HAUS8: variants seen among roughly 807,000 people sequenced by gnomAD.
HAUS8 encodes HAUS augmin like complex subunit 8, also known as HAUS augmin-like complex subunit 8.
Under a neutral mutation model 42.9 loss-of-function variants are expected in HAUS8, and 38 were observed. That is an observed-to-expected ratio of 0.89 (90% CI 0.68 to 1.16). HAUS8 has a LOEUF of 1.16. Among genes scored for constraint, HAUS8 ranks in the 50% most tolerant of loss-of-function variants. The probability of loss-of-function intolerance (pLI) is 0.00; values close to 1 mark genes in which losing one functional copy is unlikely to be tolerated. For synonymous variants in HAUS8, 199 were observed against 205.8 expected (o/e 0.97, Z 0.28); for missense variants, 494 against 511.6 (o/e 0.97, Z 0.33).
At position 17,069,630 on chromosome 19, in the gene HAUS8, G is replaced by A. The variant is rs556742554; in HGVS notation, c.92-544C>T. Among the ~76,000 whole-genome samples the A allele has an allele frequency of 9.5e-4, 144 of 151,842 alleles. 3 individuals are homozygous for A. The East Asian group carries it at 0.027, about 29-fold the overall frequency. On this transcript the variant is annotated intron_variant, in intron 2 of 10. Transcript: ENST00000253669. Reference sequence around the variant, plus strand: ...AGCCCAACCCCAGGTCCCCTTCCAGGGCTACTCCTGGGAGCGTGACTGTGG... The same window carrying A: ...AGCCCAACCCCAGGTCCCCTTCCAGAGCTACTCCTGGGAGCGTGACTGTGG...
intron 10 of HAUS8, 59 bp from the exon 11 acceptor site, chr19:17,050,235 G>A: frequency 6.0e-6 from 8 of 1,334,388 alleles, no homozygotes; most frequent in Non-Finnish European, 6.9e-6. Context: ...GCGCATGTGT[G>A]TGGTGAACGG....
rs750430659 is a variant in HAUS8 at position 17,062,682 on chromosome 19, C to A, written c.229+16G>T. The A allele has an allele frequency of 8.7e-6, 14 of 1,609,290 alleles. No homozygotes were observed. The highest frequency in any genetic ancestry group is 2.6e-6 in the Non-Finnish European group (3 of 1,175,760). ...GCCGCGCTCATCACTGCCCGAGGACCATGGCTGTTTCGCACCTTTGCTTTT... is the reference window on the plus strand; with the variant it reads ...GCCGCGCTCATCACTGCCCGAGGACAATGGCTGTTTCGCACCTTTGCTTTT... On this transcript the variant is annotated intron_variant, in intron 4 of 10. Transcript: ENST00000253669.
At chr19:17,051,360 C>T (rs904117859) in intron 10 of HAUS8, among the ~76,000 whole-genome samples, 2 of 144,386 alleles carry the variant, frequency 1.4e-5, no homozygotes, top group African/African-American at 5.3e-5. Context: ...TGGAGAAAAG[C>T]GCGTGGTTAG....
intron 3 of HAUS8, among the ~76,000 whole-genome samples, chr19:17,065,112 T>G (rs981875357): frequency 6.6e-6 from 1 of 152,234 alleles, no homozygotes; most frequent in South Asian, 2.1e-4. Flanking sequence ...CATCGGCTAT[T>G]ATGAAAACAC....
At chr19:17,060,905 T>C (rs1568637831) in intron 4 of HAUS8, among the ~76,000 whole-genome samples, 1 of 152,214 alleles carries the variant, frequency 6.6e-6, no homozygotes, top group Admixed American at 6.5e-5. Context: ...GTACGGTATG[T>C]TGTGTTAGGA....
intron 10 of HAUS8, among the ~76,000 whole-genome samples, chr19:17,051,059 CAAT>C (rs1271553293): frequency 1.3e-5 from 2 of 152,022 alleles, no homozygotes; most frequent in East Asian, 3.9e-4. Context: ...AATCCTGTCT[CAAT>C]AATAATAATA....
At chr19:17,075,175 G>A (rs1387576642) in intron 1 of HAUS8, 3 of 553,162 alleles carry the variant, frequency 5.4e-6, no homozygotes, top group African/African-American at 1.9e-5. Context: ...AGGTCGCCCA[G>A]CGTCCCAGCC....
chr19:17,056,611 G>T (rs1250632382), intron 8 of HAUS8, among the ~76,000 whole-genome samples: 1 of 151,742 alleles, frequency 6.6e-6, no homozygotes, highest in Non-Finnish European at 1.5e-5. Context: ...ATATTTTTTA[G>T]ATGGAATCTT....
At chr19:17,070,617 C>T (rs1012279478) in intron 2 of HAUS8, among the ~76,000 whole-genome samples, 3 of 152,260 alleles carry the variant, frequency 2.0e-5, no homozygotes, top group African/African-American at 7.2e-5. Context: ...CATTTCGTCA[C>T]AGCATCTGTC....
At position 17,055,965 on chromosome 19, in the gene HAUS8, C is replaced by T. The variant is rs756032408; in HGVS notation, c.683G>A (p.Arg228His). 10 of 1,614,000 alleles carry T rather than the reference C, an allele frequency of 6.2e-6. No homozygotes were observed. The highest frequency in any genetic ancestry group is 2.2e-5 in the South Asian group (2 of 91,090). The change falls in exon 9 of 11, where the codon CGC (arginine) becomes CAC (histidine). Residue 228 changes from arginine to histidine, a missense_variant. Physicochemically the swap from Arg to His is conservative, Grantham distance 29 (BLOSUM62 0). Coordinates refer to ENST00000253669, the MANE Select transcript of HAUS8 (RefSeq NM_033417.2). ...GAATGTCCTGTATTGCTCCTTGAAG[C>T]GTGTGGCCACTGCCTCGAAGGGGCT... is the stretch of plus-strand genomic sequence containing the variant. ...MLSPFEAVATRFKEQYRTFAT... is the reference protein window; with the variant it reads ...MLSPFEAVATHFKEQYRTFAT...
At chr19:17,062,819 C>G (rs754586704) in intron 3 of HAUS8, 40 bp from the exon 4 acceptor site, 1 of 1,493,172 alleles carries the variant, frequency 6.7e-7, no homozygotes, top group South Asian at 1.1e-5. Context: ...ACAAGACATC[C>G]TCCCTTCACA....
In HAUS8 at chr19:17,052,684, T is replaced by C. The variant is rs764650146; in HGVS notation, c.929+141A>G. ...CTGGCCATTCTTGTATCATGCAGCG[T>C]CTGGGAAAAGAGCAGCTCGCTCAGG... is the stretch of plus-strand genomic sequence containing the variant. On this transcript the variant is annotated intron_variant, in intron 10 of 10. Coordinates refer to ENST00000253669, the MANE Select transcript of HAUS8 (RefSeq NM_033417.2). 9.2e-5 allele frequency: 74 copies of C among 806,792 alleles called. 1 individual carries two copies. The highest frequency in any genetic ancestry group is 1.4e-4 in the Non-Finnish European group (71 of 492,174). The allele number at this position is 806,792 out of a possible 1,614,324, so 50.0% of individuals were successfully genotyped here. A position where few individuals can be genotyped will look rare whatever the true frequency, so the allele number is the denominator to read the frequency against.
At position 17,052,965 on chromosome 19, in the gene HAUS8, G is replaced by A. The variant is rs373920841; in HGVS notation, c.789C>T (p.Asp263=). Residue 263 remains aspartate (D), a splice_region_variant and synonymous_variant, in exon 10 of 11, where the codon GAC becomes GAT. Coordinates refer to ENST00000253669, the MANE Select transcript of HAUS8 (RefSeq NM_033417.2). The stretch of plus-strand genomic sequence containing the variant: ...TGGTCACCAGTTCATGCTGCAGGGC[G>A]TCTGGAGGGGAAGAGGGATGGTGGG... The part of the protein sequence containing the change: ...HLEGDGQQLL[D]ALQHELVTTQ... The A allele has an allele frequency of 7.4e-5, 119 of 1,614,136 alleles. No homozygotes were observed. In the South Asian group the frequency reaches 7.9e-4, roughly 11 times the overall value.
chr19:17,049,897 A>G lies in HAUS8; in HGVS notation c.1209T>C (p.Ser403=). 1 of 1,479,752 alleles carries G rather than the reference A, an allele frequency of 6.8e-7. No individual in the cohort carries two copies. The highest frequency in any genetic ancestry group is 9.0e-7 in the Non-Finnish European group (1 of 1,111,112). 91.7% of individuals were successfully genotyped at this position (1,479,752 alleles called of 1,614,324 possible). A position where few individuals can be genotyped will look rare whatever the true frequency, so the allele number is the denominator to read the frequency against. Residue 403 remains serine (S), a synonymous_variant, in exon 11 of 11, where the codon TCT becomes TCC. Transcript: ENST00000253669. ...GTCATGACAAGTCCCTCCCTGAACG[A>G]GAGAGAGAGGGCGGGACTTCTGCCT... ...SSQAEVPPSL[S]RSGRDLS is the part of the protein sequence containing the mutation.
At position 17,075,449 on chromosome 19, in the gene HAUS8, A is replaced by C. The variant is rs1600000943; in HGVS notation, c.-27T>G. On this transcript the variant is annotated 5_prime_UTR_variant, in exon 1 of 11. Coordinates refer to ENST00000253669, the MANE Select transcript of HAUS8 (RefSeq NM_033417.2). ...TTCCCGCCTTCCACCTCAAGGCCCGACCCGCCGGCTTTTCAAAGCCGGACC... is the reference window on the plus strand; with the variant it reads ...TTCCCGCCTTCCACCTCAAGGCCCGCCCCGCCGGCTTTTCAAAGCCGGACC... The C allele has an allele frequency of 5.0e-6, 8 of 1,612,730 alleles. No individual in the cohort carries two copies. Among genetic ancestry groups the C allele is most frequent in the Non-Finnish European group, 5.9e-6 (7 of 1,179,668 alleles).
chr19:17,073,578 C>G (rs2057441832), intron 1 of HAUS8: 1 of 552,094 alleles, frequency 1.8e-6, no homozygotes, highest in African/African-American at 1.9e-5. Flanking sequence ...AATGAGAGCT[C>G]TGTGGAAGAG....
At chr19:17,051,230 G>A (rs1439311226) in intron 10 of HAUS8, among the ~76,000 whole-genome samples, 1 of 152,094 alleles carries the variant, frequency 6.6e-6, no homozygotes, top group Non-Finnish European at 1.5e-5. Context: ...ACCCACAGGA[G>A]AAAGAAATGC....
intron 3 of HAUS8, among the ~76,000 whole-genome samples, chr19:17,068,058 T>TCCC (rs2057397536): frequency 6.6e-6 from 1 of 151,974 alleles, no homozygotes; most frequent in African/African-American, 2.4e-5. Flanking sequence ...ATGTCATTTT[T>TCCC]CCCATAGTTT....
chr19:17,068,769 C>CA (rs1036345157), intron 3 of HAUS8, among the ~76,000 whole-genome samples: 25 of 148,854 alleles, frequency 1.7e-4, no homozygotes, highest in Middle Eastern at 6.8e-3. Flanking sequence ...GCCTCAAAAA[C>CA]AAAAAAAAAG....
Sources: allele counts gnomAD v4.1 joint callset (sites outside exome capture counted in the v4.1 genomes callset), GRCh38; gene constraint gnomAD v4.1.1; transcripts MANE v1.5; gene names NCBI Gene and HGNC (gene_info 2026-07-23, HGNC 2026-07-21).